Variants in FIGN observed in about 807,000 individuals in gnomAD.
The protein encoded by FIGN is fidgetin, microtubule severing factor.
In FIGN, 11 loss-of-function variants were observed where a neutral mutation model predicts 51.3. The ratio of observed to expected loss-of-function variants is 0.21; its 90% CI spans 0.13 to 0.35. FIGN has a LOEUF of 0.35. Ranked by LOEUF, FIGN falls within the 10% of genes least tolerant of loss-of-function variation. The pLI is 1.00. For synonymous variants in FIGN, 407 were observed against 363.2 expected (o/e 1.12, Z -1.37); for missense variants, 857 against 943.6 (o/e 0.91, Z 1.20).
chr2:163,720,092 A>C (rs1048131307), intron 2 of FIGN, among the ~76,000 whole-genome samples: 4 of 152,168 alleles, frequency 2.6e-5, no homozygotes, highest in African/African-American at 9.7e-5. Context: ...GGACCGGGTT[A>C]TTACTGGAAT....
intron 2 of FIGN, among the ~76,000 whole-genome samples, chr2:163,731,362 AT>A (rs1465025126): frequency 1.3e-5 from 2 of 152,116 alleles, no homozygotes; most frequent in African/African-American, 4.8e-5. Context: ...AATAATACAG[AT>A]GGTCTCTATA....
chr2:163,693,302 C>T (rs1246328282), intron 2 of FIGN, among the ~76,000 whole-genome samples: 5 of 151,888 alleles, frequency 3.3e-5, no homozygotes, highest in Admixed American at 6.6e-5. Flanking sequence ...ATAGCTAAAA[C>T]GACCAGAGGA....
chr2:163,705,640 CT>C (rs58661112), intron 2 of FIGN, among the ~76,000 whole-genome samples: 310 of 145,282 alleles, frequency 2.1e-3, no homozygotes, highest in South Asian at 3.7e-3. Flanking sequence ...TATTTTTTGT[CT>C]TTTTTTTTTT....
At chr2:163,617,631 G>A (rs1244945387) in intron 2 of FIGN, among the ~76,000 whole-genome samples, 1 of 152,084 alleles carries the variant, frequency 6.6e-6, no homozygotes, top group Non-Finnish European at 1.5e-5. Context: ...GATAGAAAGG[G>A]ACTGAAGGAA....
chr2:163,611,716 A>G lies in FIGN; in HGVS notation c.116T>C (p.Val39Ala). The G allele has an allele frequency of 6.2e-7, 1 of 1,614,176 alleles. No homozygotes were observed. The highest frequency in any genetic ancestry group is 8.5e-7 in the Non-Finnish European group (1 of 1,180,014). ...TSTTRSPAHK[V>A]EAYRGHLQRT... ...CTGCAGATGACCTCTGTAGGCTTCA[A>G]CTTTGTGGGCAGGAGACCGAGTGGT... The change falls in exon 3 of 3, where the codon GTT (valine) becomes GCT (alanine). Residue 39 changes from valine to alanine, a missense_variant. Physicochemically the swap from Val to Ala is moderately conservative, Grantham distance 64 (BLOSUM62 0). Around this residue, in one of 3 missense-constraint regions of FIGN, gnomAD observed 56 missense variants for 75.3 expected, o/e 0.74. Transcript: ENST00000333129.
At chr2:163,633,789 C>G (rs540001478) in intron 2 of FIGN, among the ~76,000 whole-genome samples, 2 of 152,286 alleles carry the variant, frequency 1.3e-5, no homozygotes, top group South Asian at 2.1e-4. Context: ...TGGTTCAGAT[C>G]TCACTCTAGA....
At chr2:163,720,781 A>AAC (rs147735125) in intron 2 of FIGN, among the ~76,000 whole-genome samples, 63 of 151,340 alleles carry the variant, frequency 4.2e-4, no homozygotes, top group Non-Finnish European at 5.9e-4. Flanking sequence ...CTACTAAATA[A>AAC]ACACACACAC....
In FIGN at chr2:163,660,791, G is replaced by A. The variant is rs1257449249; in HGVS notation, c.26-48985C>T. On this transcript the variant is annotated intron_variant, in intron 2 of 2. Coordinates refer to ENST00000333129, the MANE Select transcript of FIGN (RefSeq NM_018086.4). ...TATGTATACACATATACATATATAT[G>A]TATATAGATATACATATATATACAT... 1.2e-3 allele frequency among the ~76,000 whole-genome samples: 66 copies of A among 57,162 alleles called. 14 individuals are homozygous for A. Among genetic ancestry groups the A allele is most frequent in the Non-Finnish European group, 1.3e-3 (44 of 33,272 alleles). 37.5% of individuals were successfully genotyped at this position (57,162 alleles called of 152,430 possible).
chr2:163,704,625 T>TCTC (rs1684465863), intron 2 of FIGN, among the ~76,000 whole-genome samples: 20 of 36,410 alleles, frequency 5.5e-4, no homozygotes, highest in South Asian at 1.9e-3. Flanking sequence ...GTCTCTCTCT[T>TCTC]TCTCTCTCTC....
At chr2:163,612,486 C>T in intron 2 of FIGN, 1 of 985,328 alleles carries the variant, frequency 1.0e-6, no homozygotes, top group Non-Finnish European at 1.2e-6. Context: ...GCAAAGCAAT[C>T]TCCCAGGCAG....
chr2:163,632,623 A>T (rs954604538), intron 2 of FIGN, among the ~76,000 whole-genome samples: 6 of 152,188 alleles, frequency 3.9e-5, no homozygotes, highest in Non-Finnish European at 8.8e-5. Context: ...GATAAAAACA[A>T]CTTCCTTGAA....
At chr2:163,630,392 T>C (rs1683127137) in intron 2 of FIGN, among the ~76,000 whole-genome samples, 1 of 152,102 alleles carries the variant, frequency 6.6e-6, no homozygotes. Flanking sequence ...ACTTCTGTCT[T>C]CCTATGAGCC....
At chr2:163,699,983 C>G (rs1684382957) in intron 2 of FIGN, among the ~76,000 whole-genome samples, 1 of 151,928 alleles carries the variant, frequency 6.6e-6, no homozygotes, top group African/African-American at 2.4e-5. Context: ...TTGTGTTACC[C>G]TATGACTGAC....
In FIGN at chr2:163,694,471, G is replaced by A. The variant is rs138736537; in HGVS notation, c.25+40432C>T. On this transcript the variant is annotated intron_variant, in intron 2 of 2. Transcript: ENST00000333129. ...GACAATGGAATCCTCTCTTTTACAG[G>A]ATGGGGCAAGCAAGAAGGAGGGTGT... is the stretch of plus-strand genomic sequence containing the variant. Among the ~76,000 whole-genome samples, 725 of 152,198 alleles carry A rather than the reference G, an allele frequency of 4.8e-3. 4 individuals are homozygous for A. Among genetic ancestry groups the A allele is most frequent in the Non-Finnish European group, 8.8e-3 (596 of 68,022 alleles).
At chr2:163,725,949 A>T (rs534887922) in intron 2 of FIGN, among the ~76,000 whole-genome samples, 105 of 152,226 alleles carry the variant, frequency 6.9e-4, no homozygotes, top group African/African-American at 2.4e-3. Flanking sequence ...CCAACTGGAC[A>T]TTCATTTCTG....
intron 2 of FIGN, among the ~76,000 whole-genome samples, chr2:163,628,788 C>CTG (rs1221733710): frequency 2.6e-5 from 4 of 152,218 alleles, no homozygotes; most frequent in African/African-American, 9.6e-5. Context: ...TGTCCATTGG[C>CTG]TAACAAAGAG....
At chr2:163,633,679 C>T (rs750272342) in intron 2 of FIGN, among the ~76,000 whole-genome samples, 8 of 152,202 alleles carry the variant, frequency 5.3e-5, no homozygotes, top group Admixed American at 2.0e-4. Context: ...ATTTTAAATG[C>T]GAAATTAAAC....
intron 2 of FIGN, among the ~76,000 whole-genome samples, chr2:163,622,558 T>A (rs1414784242): frequency 6.6e-6 from 1 of 151,974 alleles, no homozygotes; most frequent in African/African-American, 2.4e-5. Context: ...ATTATTTATT[T>A]ATTTTATTAT....
At chr2:163,634,148 C>T (rs762045733) in intron 2 of FIGN, among the ~76,000 whole-genome samples, 4 of 148,152 alleles carry the variant, frequency 2.7e-5, no homozygotes, top group Non-Finnish European at 4.5e-5. Flanking sequence ...AAAAAGAAAA[C>T]ATAAAAACCA....
Sources: allele counts gnomAD v4.1 joint callset (sites outside exome capture counted in the v4.1 genomes callset), GRCh38; gene constraint gnomAD v4.1.1; regional missense constraint gnomAD v4.1.1; transcripts MANE v1.5; gene names NCBI Gene and HGNC (gene_info 2026-07-23, HGNC 2026-07-21).